ROBO2: variants seen among roughly 807,000 people sequenced by gnomAD.
The protein encoded by ROBO2 is roundabout guidance receptor 2, also known as roundabout homolog 2.
A neutral mutation model predicts 160.8 loss-of-function variants in ROBO2; 53 were observed. That is an observed-to-expected ratio of 0.33 (90% CI 0.26 to 0.41). ROBO2 has a LOEUF of 0.41. Among genes scored for constraint, ROBO2 ranks in the 10% least tolerant of loss-of-function variants. The pLI is 1.00. For missense variants in ROBO2, 1,577 were observed against 1,722.4 expected, an observed-to-expected ratio of 0.92 and a Z score of 1.49; for synonymous variants, 664 against 611.7, an observed-to-expected ratio of 1.09 and a Z score of -1.26.
At chr3:77,290,801 CACCCCAGACA>C in intron 2 of ROBO2, among the ~76,000 whole-genome samples, 1 of 97,072 alleles carries the variant, frequency 1.0e-5, no homozygotes, top group Non-Finnish European at 2.2e-5. Flanking sequence ...GAGGCTAGAT[CACCCCAGACA>C]TAAAGTAAAA....
intron 2 of ROBO2, among the ~76,000 whole-genome samples, chr3:77,243,490 T>G (rs909643906): frequency 6.6e-6 from 1 of 152,144 alleles, no homozygotes; most frequent in Non-Finnish European, 1.5e-5. Context: ...TAGTTCAGTT[T>G]CCACACATTA....
chr3:77,625,357 G>A (rs1021641381), intron 23 of ROBO2, among the ~76,000 whole-genome samples: 1 of 151,226 alleles, frequency 6.6e-6, no homozygotes, highest in Admixed American at 6.6e-5. Context: ...CAACCTTTAC[G>A]AAGTGCAAGC....
chr3:77,447,954 G>T (rs949223975), intron 2 of ROBO2, among the ~76,000 whole-genome samples: 5 of 152,088 alleles, frequency 3.3e-5, no homozygotes, highest in African/African-American at 9.7e-5. Flanking sequence ...TGTACATAAA[G>T]ATTATAAAGT....
At chr3:76,629,946 C>T (rs1420853597) in intron 2 of ROBO2, among the ~76,000 whole-genome samples, 1 of 152,152 alleles carries the variant, frequency 6.6e-6, no homozygotes, top group Non-Finnish European at 1.5e-5. Context: ...CTTGCTGTGC[C>T]TCCATTCTGT....
chr3:76,398,288 A>G (rs929842938), intron 2 of ROBO2, among the ~76,000 whole-genome samples: 1 of 147,484 alleles, frequency 6.8e-6, no homozygotes, highest in Non-Finnish European at 1.5e-5. Context: ...GAACACATGG[A>G]CACAGGAAGG....
intron 2 of ROBO2, among the ~76,000 whole-genome samples, chr3:76,550,137 G>A (rs1425215149): frequency 1.3e-5 from 2 of 152,064 alleles, no homozygotes; most frequent in African/African-American, 4.8e-5. Flanking sequence ...CTTCACCATA[G>A]TAATTGACAG....
intron 2 of ROBO2, among the ~76,000 whole-genome samples, chr3:77,262,808 C>T (rs899317631): frequency 3.9e-5 from 6 of 152,084 alleles, no homozygotes; most frequent in African/African-American, 1.2e-4. Context: ...CCACATTCCC[C>T]AGCATTTACA....
intron 2 of ROBO2, among the ~76,000 whole-genome samples, chr3:75,969,466 T>G (rs2064926088): frequency 6.6e-6 from 1 of 151,578 alleles, no homozygotes; most frequent in Admixed American, 6.6e-5. Flanking sequence ...AGTAGCTCTA[T>G]TTTAAATTTT....
rs981620115 is a variant in ROBO2 at position 76,922,495 on chromosome 3, C to T, written c.110-175519C>T. Among the ~76,000 whole-genome samples the T allele has an allele frequency of 3.3e-5, 5 of 152,158 alleles. No individual in the cohort carries two copies. In the East Asian group the frequency reaches 5.8e-4, roughly 18 times the overall value. ...CTGAAGCCCAGTCCAAAGCATTCAA[C>T]GGAAAGAGCTTCCCATTTTTGTTCC... On this transcript the variant is annotated intron_variant, in intron 2 of 26. Transcript: ENST00000487694.
chr3:77,065,989 T>A (rs565523220), intron 1 of ROBO2, among the ~76,000 whole-genome samples: 3 of 152,270 alleles, frequency 2.0e-5, no homozygotes, highest in Non-Finnish European at 2.9e-5. Flanking sequence ...CGAAGCTATT[T>A]CTTACTACAA....
intron 2 of ROBO2, among the ~76,000 whole-genome samples, chr3:76,574,184 A>C (rs564666875): frequency 5.9e-5 from 9 of 152,144 alleles, no homozygotes; most frequent in Non-Finnish European, 1.3e-4. Flanking sequence ...GAAATAAACC[A>C]ATTAAACTGA....
chr3:76,508,238 C>T (rs1350770638), intron 2 of ROBO2, among the ~76,000 whole-genome samples: 4 of 152,008 alleles, frequency 2.6e-5, no homozygotes, highest in Non-Finnish European at 4.4e-5. Flanking sequence ...TTTAGTATTC[C>T]CCTAAATGTG....
chr3:77,252,824 A>T (rs2090502214), intron 2 of ROBO2, among the ~76,000 whole-genome samples: 1 of 86,042 alleles, frequency 1.2e-5, no homozygotes, highest in South Asian at 4.5e-4. Flanking sequence ...AAAAAAAAAA[A>T]AAAAAAAATA....
At chr3:76,643,011 G>A (rs1226817783) in intron 2 of ROBO2, among the ~76,000 whole-genome samples, 1 of 152,162 alleles carries the variant, frequency 6.6e-6, no homozygotes. Flanking sequence ...ATGCAAAGAA[G>A]GCTTCAGGTG....
At chr3:77,461,404 C>A (rs551301912) in intron 2 of ROBO2, among the ~76,000 whole-genome samples, 36 of 151,886 alleles carry the variant, frequency 2.4e-4, no homozygotes, top group African/African-American at 8.7e-4. Context: ...GAAAAGTTCA[C>A]CAAGAGTTAT....
At chr3:76,962,035 C>T (rs966072588) in intron 2 of ROBO2, among the ~76,000 whole-genome samples, 1 of 152,046 alleles carries the variant, frequency 6.6e-6, no homozygotes, top group African/African-American at 2.4e-5. Context: ...CTTAACTCTA[C>T]AAACAATTTT....
chr3:77,504,871 A>G (rs912360365), intron 5 of ROBO2, among the ~76,000 whole-genome samples: 4 of 152,198 alleles, frequency 2.6e-5, no homozygotes, highest in Admixed American at 1.3e-4. Context: ...AAAATAAAAG[A>G]TAGTCTATTC....
chr3:75,973,670 G>A lies in ROBO2; in HGVS notation c.109+36068G>A, dbSNP rs550465008. ...TGAAAAAACAGGAGAGTAAGAAAAG[G>A]AAACTAATTTTATAGAAAGAATGTT... is the stretch of plus-strand genomic sequence containing the variant. On this transcript the variant is annotated intron_variant, in intron 2 of 26. Coordinates refer to the ROBO2 transcript ENST00000487694. Among the ~76,000 whole-genome samples the A allele has an allele frequency of 1.3e-4, 19 of 151,716 alleles. No homozygotes were observed. The South Asian group carries it at 3.7e-3, about 30-fold the overall frequency.
chr3:76,396,002 G>A (rs554746258), intron 2 of ROBO2, among the ~76,000 whole-genome samples: 6 of 152,020 alleles, frequency 3.9e-5, no homozygotes, highest in South Asian at 2.1e-4. Context: ...TACCAAAGCC[G>A]GGCAGAGACA....
Sources: allele counts gnomAD v4.1 joint callset (sites outside exome capture counted in the v4.1 genomes callset), GRCh38; gene constraint gnomAD v4.1.1; transcripts MANE v1.5; gene names NCBI Gene and HGNC (gene_info 2026-07-23, HGNC 2026-07-21).